Variants in ASTN1 observed in about 807,000 individuals in gnomAD.
The protein encoded by ASTN1 is astrotactin-1.
ASTN1 carries 41 observed loss-of-function variants against 140.7 expected under a neutral mutation model. The ratio of observed to expected loss-of-function variants is 0.29; its 90% CI spans 0.23 to 0.38. ASTN1 has a LOEUF of 0.38. Among genes scored for constraint, ASTN1 ranks in the 10% least tolerant of loss-of-function variants. ASTN1 has a pLI of 1.00. For synonymous variants in ASTN1, 640 were observed against 652.2 expected, an observed-to-expected ratio of 0.98 and a Z score of 0.29; for missense variants, 1,479 against 1,678.8, an observed-to-expected ratio of 0.88 and a Z score of 2.08.
At chr1:176,985,577 C>T (rs16850555) in intron 8 of ASTN1, among the ~76,000 whole-genome samples, 27,854 of 151,884 alleles carry the variant, frequency 0.18, 2,714 homozygotes, top group African/African-American at 0.24. Flanking sequence ...TTGCTGTTTG[C>T]TGCTACCTGG....
chr1:177,103,710 C>A (rs980790695), intron 1 of ASTN1, among the ~76,000 whole-genome samples: 10 of 152,100 alleles, frequency 6.6e-5, no homozygotes, highest in Non-Finnish European at 1.3e-4. Flanking sequence ...CTCCTAGACC[C>A]TGAGTTAGGT....
At chr1:177,044,961 G>C (rs1383302594) in intron 2 of ASTN1, among the ~76,000 whole-genome samples, 1 of 152,092 alleles carries the variant, frequency 6.6e-6, no homozygotes, top group African/African-American at 2.4e-5. Context: ...AACAGGGGAG[G>C]GAGAGGAAAA....
chr1:176,862,275 T>C lies in ASTN1; in HGVS notation c.*2009A>G, dbSNP rs1231433674. 1 of 985,386 alleles carries C rather than the reference T, an allele frequency of 1.0e-6. No individual in the cohort carries two copies. The highest frequency in any genetic ancestry group is 1.2e-6 in the Non-Finnish European group (1 of 829,932). The allele number at this position is 985,386 out of a possible 1,614,324, so 61.0% of individuals were successfully genotyped here. A position where few individuals can be genotyped will look rare whatever the true frequency, so the allele number is the denominator to read the frequency against. ...AGTTTGAAATAAATCCTTCAGTGTT[T>C]GGAAAGAAGGAGAGAGGAGAGTGAA... On this transcript the variant is annotated 3_prime_UTR_variant, in exon 23 of 23. Transcript: ENST00000361833.
At chr1:176,884,539 A>G in intron 18 of ASTN1, 49 bp from the exon 19 acceptor site, 2 of 1,558,338 alleles carry the variant, frequency 1.3e-6, no homozygotes, top group Non-Finnish European at 1.8e-6. Context: ...ACTGTGACTC[A>G]CTTTGGGCAC....
At chr1:177,076,053 G>A (rs188422388) in intron 1 of ASTN1, among the ~76,000 whole-genome samples, 1 of 152,076 alleles carries the variant, frequency 6.6e-6, no homozygotes, top group African/African-American at 2.4e-5. Flanking sequence ...GCTGAGGCGG[G>A]TGGATCATGA....
At chr1:176,901,551 G>A (rs1321882030) in intron 16 of ASTN1, among the ~76,000 whole-genome samples, 2 of 152,202 alleles carry the variant, frequency 1.3e-5, no homozygotes, top group African/African-American at 2.4e-5. Flanking sequence ...CAGTCATACT[G>A]GGATTTGGCA....
At chr1:176,962,335 G>T (rs1195842552) in intron 9 of ASTN1, among the ~76,000 whole-genome samples, 2 of 152,140 alleles carry the variant, frequency 1.3e-5, no homozygotes, top group East Asian at 3.9e-4. Flanking sequence ...CAAGTTATTT[G>T]GGATTGCAGA....
intron 1 of ASTN1, among the ~76,000 whole-genome samples, chr1:177,158,505 T>C (rs143195274): frequency 6.6e-6 from 1 of 152,294 alleles, no homozygotes; most frequent in East Asian, 1.9e-4. Context: ...TGTGTGCATA[T>C]ACATGAACTG....
At chr1:177,062,243 T>G (rs369086438) in intron 1 of ASTN1, among the ~76,000 whole-genome samples, 1 of 151,976 alleles carries the variant, frequency 6.6e-6, no homozygotes, top group African/African-American at 2.4e-5. Flanking sequence ...TTTTTCTTTT[T>G]TTTTTTCTTT....
chr1:176,900,981 ACAAG>A (rs1669743112), intron 16 of ASTN1, among the ~76,000 whole-genome samples: 1 of 152,206 alleles, frequency 6.6e-6, no homozygotes, highest in Non-Finnish European at 1.5e-5. Context: ...TTAAATGACT[ACAAG>A]TGTTTGTTGA....
chr1:177,067,881 A>AC (rs1164019590), intron 1 of ASTN1, among the ~76,000 whole-genome samples: 1 of 151,738 alleles, frequency 6.6e-6, no homozygotes, highest in African/African-American at 2.4e-5. Flanking sequence ...AATGAGACTA[A>AC]CCCGGGAAAC....
At chr1:177,109,781 G>A (rs1043269026) in intron 1 of ASTN1, among the ~76,000 whole-genome samples, 2 of 152,190 alleles carry the variant, frequency 1.3e-5, no homozygotes, top group Admixed American at 1.3e-4. Context: ...AGACAGACTT[G>A]AAGATCTCTC....
intron 1 of ASTN1, among the ~76,000 whole-genome samples, chr1:177,136,546 G>A (rs1268099345): frequency 6.6e-6 from 1 of 152,014 alleles, no homozygotes; most frequent in African/African-American, 2.4e-5. Context: ...TAGAGACAGG[G>A]TTTCACCATG....
intron 9 of ASTN1, among the ~76,000 whole-genome samples, chr1:176,959,810 C>A (rs911928930): frequency 3.9e-5 from 6 of 152,152 alleles, no homozygotes; most frequent in African/African-American, 1.4e-4. Flanking sequence ...GTTGGTGAAC[C>A]TCTGCATTAA....
Position 176,994,967 on chromosome 1 carries a change from T to C in ASTN1, c.1523+19824A>G, listed in dbSNP as rs182350137. Among the ~76,000 whole-genome samples the C allele has an allele frequency of 1.5e-3, 224 of 152,278 alleles. 1 individual carries two copies. Among genetic ancestry groups the C allele is most frequent in the African/African-American group, 5.2e-3 (217 of 41,556 alleles). ...TGATGGATGTATTCTACTACAGTAG[T>C]AGGTGGAACACAGATGATTTACCTC... On this transcript the variant is annotated intron_variant, in intron 8 of 22. Coordinates refer to ENST00000361833, the MANE Select transcript of ASTN1 (RefSeq NM_004319.3).
intron 2 of ASTN1, among the ~76,000 whole-genome samples, chr1:177,055,228 T>G (rs1043185802): frequency 6.6e-6 from 1 of 152,194 alleles, no homozygotes; most frequent in African/African-American, 2.4e-5. Context: ...ACATCTCAGC[T>G]CTCACTTTAC....
intron 14 of ASTN1, among the ~76,000 whole-genome samples, chr1:176,942,549 C>A (rs1225854045): frequency 6.6e-6 from 1 of 151,820 alleles, no homozygotes; most frequent in African/African-American, 2.4e-5. Context: ...CTTGGGCCCC[C>A]CAAATCACTA....
chr1:176,863,462 A>G lies in ASTN1; in HGVS notation c.*822T>C. On this transcript the variant is annotated 3_prime_UTR_variant, in exon 23 of 23. Transcript: ENST00000361833. Reference sequence around the variant, plus strand: ...GGAAGCATGGTTTTTTTAAAAAACAATAAACTCCAAGTCTCCTCTTGAATG... The same window carrying G: ...GGAAGCATGGTTTTTTTAAAAAACAGTAAACTCCAAGTCTCCTCTTGAATG... 3 of 985,788 alleles carry G rather than the reference A, an allele frequency of 3.0e-6. No homozygotes were observed. Among genetic ancestry groups the G allele is most frequent in the Non-Finnish European group, 3.6e-6 (3 of 829,922 alleles). 61.1% of individuals were successfully genotyped at this position (985,788 alleles called of 1,614,324 possible).
chr1:176,921,523 CA>C (rs1225183485), intron 16 of ASTN1, among the ~76,000 whole-genome samples: 4 of 152,034 alleles, frequency 2.6e-5, no homozygotes, highest in Admixed American at 6.5e-5. Flanking sequence ...AAGGAAAATA[CA>C]AAAAAGGTAG....
Sources: gnomAD v4.1 joint callset for allele counts (sites outside exome capture counted in the v4.1 genomes callset) on GRCh38, gnomAD v4.1.1 for gene constraint, MANE v1.5 for transcripts, NCBI Gene and HGNC (gene_info 2026-07-23, HGNC 2026-07-21) for gene names.